Variants in ABLIM1 observed in about 807,000 individuals in gnomAD.
ABLIM1 encodes actin-binding LIM protein 1.
Under a neutral mutation model 107.0 loss-of-function variants are expected in ABLIM1, and 40 were observed. That is an observed-to-expected ratio of 0.37 (90% CI 0.29 to 0.49). The LOEUF (loss-of-function observed/expected upper bound fraction) is 0.49. Ranked by LOEUF, ABLIM1 falls within the 20% of genes least tolerant of loss-of-function variation. ABLIM1 has a pLI of 0.97. For synonymous variants in ABLIM1, 357 were observed against 357.3 expected (o/e 1.00, Z 0.01); for missense variants, 857 against 1,008.5 (o/e 0.85, Z 2.04).
intron 4 of ABLIM1, among the ~76,000 whole-genome samples, chr10:114,548,322 A>G (rs896844678): frequency 6.6e-6 from 1 of 152,212 alleles, no homozygotes; most frequent in Non-Finnish European, 1.5e-5. Context: ...TTAATTCCTT[A>G]GCTCTCAATT....
chr10:114,701,972 C>T (rs1014818653), intron 1 of ABLIM1, among the ~76,000 whole-genome samples: 7 of 152,014 alleles, frequency 4.6e-5, no homozygotes, highest in Admixed American at 2.0e-4. Context: ...TGAAGCTGGG[C>T]GATGGGTACT....
chr10:114,681,504 T>G (rs932422413), intron 1 of ABLIM1, among the ~76,000 whole-genome samples: 1 of 152,150 alleles, frequency 6.6e-6, no homozygotes, highest in Non-Finnish European at 1.5e-5. Context: ...CTAAACCATT[T>G]AAAAATAGTC....
intron 1 of ABLIM1, among the ~76,000 whole-genome samples, chr10:114,630,808 A>G (rs1369761736): frequency 6.6e-6 from 1 of 152,234 alleles, no homozygotes; most frequent in East Asian, 1.9e-4. Flanking sequence ...AAATGTGACA[A>G]TAAATCTAAG....
intron 9 of ABLIM1, among the ~76,000 whole-genome samples, 180 bp from the exon 10 acceptor site, chr10:114,473,312 T>A (rs2066942904): frequency 6.6e-6 from 1 of 152,016 alleles, no homozygotes; most frequent in Admixed American, 6.5e-5. Flanking sequence ...ATTAATCATG[T>A]TTTTTTAAAA....
At chr10:114,646,631 C>T (rs12776647) in intron 1 of ABLIM1, among the ~76,000 whole-genome samples, 55,861 of 152,074 alleles carry the variant, frequency 0.37, 11,873 homozygotes, top group Non-Finnish European at 0.48. Flanking sequence ...GAATGCTTGC[C>T]GCTCAGCAAG....
chr10:114,784,950 T>C, the ABLIM1 span, among the ~76,000 whole-genome samples: 1 of 152,198 alleles, frequency 6.6e-6, no homozygotes, highest in Non-Finnish European at 1.5e-5. Flanking sequence ...TTTTCTAATT[T>C]TTTCATTGAG....
chr10:114,769,703 C>T (rs34202625), upstream of ABLIM1, among the ~76,000 whole-genome samples: 74,502 of 151,674 alleles, frequency 0.49, 19,131 homozygotes, highest in African/African-American at 0.56. Flanking sequence ...AATAGGTGAA[C>T]GTAATTCTTT....
At chr10:114,653,903 T>C (rs757739775) in intron 1 of ABLIM1, among the ~76,000 whole-genome samples, 8 of 152,188 alleles carry the variant, frequency 5.3e-5, no homozygotes, top group Middle Eastern at 3.2e-3. Flanking sequence ...CATCCAAGGG[T>C]TGTTTTGAGC....
intron 4 of ABLIM1, among the ~76,000 whole-genome samples, chr10:114,570,786 T>C (rs572991731): frequency 6.6e-6 from 1 of 152,060 alleles, no homozygotes; most frequent in South Asian, 2.1e-4. Flanking sequence ...TTTTTGCATT[T>C]TTTGTAGAGA....
intron 1 of ABLIM1, among the ~76,000 whole-genome samples, chr10:114,711,345 CAG>C (rs979551182): frequency 1.3e-5 from 2 of 152,180 alleles, no homozygotes; most frequent in Non-Finnish European, 2.9e-5. Flanking sequence ...GGGTATGTCT[CAG>C]AGCCTCTTCA....
At chr10:114,460,291 C>T (rs1278490993) in intron 12 of ABLIM1, among the ~76,000 whole-genome samples, 1 of 152,086 alleles carries the variant, frequency 6.6e-6, no homozygotes, top group Non-Finnish European at 1.5e-5. Context: ...GAAAAGTGAA[C>T]AGAATGATGG....
At chr10:114,530,683 G>GC (rs1376182460) in intron 6 of ABLIM1, among the ~76,000 whole-genome samples, 1 of 152,098 alleles carries the variant, frequency 6.6e-6, no homozygotes, top group Non-Finnish European at 1.5e-5. Flanking sequence ...ACAGGCATCC[G>GC]CCACCATAGC....
intron 6 of ABLIM1, among the ~76,000 whole-genome samples, chr10:114,525,945 C>CA (rs1411341986): frequency 6.6e-6 from 1 of 151,808 alleles, no homozygotes; most frequent in Non-Finnish European, 1.5e-5. Context: ...ACTTTCCCCC[C>CA]AAAAAAAGTC....
chr10:114,721,886 C>T (rs1421761347), intron 1 of ABLIM1, among the ~76,000 whole-genome samples: 2 of 151,942 alleles, frequency 1.3e-5, no homozygotes, highest in African/African-American at 4.8e-5. Flanking sequence ...TTTTTGGGCA[C>T]CAGTGGGATT....
At chr10:114,560,739 A>G (rs901414893) in intron 4 of ABLIM1, among the ~76,000 whole-genome samples, 1 of 152,226 alleles carries the variant, frequency 6.6e-6, no homozygotes, top group Non-Finnish European at 1.5e-5. Flanking sequence ...AACTGGATCA[A>G]CCTTAAAAAT....
chr10:114,770,504 CT>C (rs2083010485), upstream of ABLIM1, among the ~76,000 whole-genome samples: 2 of 152,234 alleles, frequency 1.3e-5, no homozygotes, highest in Middle Eastern at 6.8e-3. Flanking sequence ...TCTCATTTTT[CT>C]TCCCCAGTGT....
chr10:114,664,281 T>G (rs1313879757), intron 1 of ABLIM1, among the ~76,000 whole-genome samples: 2 of 152,164 alleles, frequency 1.3e-5, no homozygotes, highest in African/African-American at 4.8e-5. Flanking sequence ...AAACATTCAT[T>G]AAGTGCCTAC....
At chr10:114,655,091 AGGTAT>A (rs2079438386) in intron 1 of ABLIM1, among the ~76,000 whole-genome samples, 1 of 152,184 alleles carries the variant, frequency 6.6e-6, no homozygotes, top group African/African-American at 2.4e-5. Flanking sequence ...CAATCCTATA[AGGTAT>A]GCATTCCCTG....
chr10:114,550,158 G>A (rs2137764490), intron 4 of ABLIM1, among the ~76,000 whole-genome samples: 1 of 151,966 alleles, frequency 6.6e-6, no homozygotes, highest in East Asian at 1.9e-4. Flanking sequence ...TGTATTAGAT[G>A]GTCATATGCA....
Sources: allele counts gnomAD v4.1 joint callset (sites outside exome capture counted in the v4.1 genomes callset), GRCh38; gene constraint gnomAD v4.1.1; transcripts MANE v1.5; gene names NCBI Gene and HGNC (gene_info 2026-07-23, HGNC 2026-07-21).